SBF2: variants seen among roughly 807,000 people sequenced by gnomAD.
The protein encoded by SBF2 is SET binding factor 2.
SBF2 carries 112 observed loss-of-function variants against 225.2 expected under a neutral mutation model. That is an observed-to-expected ratio of 0.50 (90% CI 0.43 to 0.58). The LOEUF (loss-of-function observed/expected upper bound fraction) is 0.58. Among genes scored for constraint, SBF2 ranks in the 20% least tolerant of loss-of-function variants. The probability of loss-of-function intolerance (pLI) is 0.00; values close to 1 mark genes in which losing one functional copy is unlikely to be tolerated. For missense variants in SBF2, 1,996 were observed against 2,206.2 expected, an observed-to-expected ratio of 0.90 and a Z score of 1.91; for synonymous variants, 763 against 773.3, an observed-to-expected ratio of 0.99 and a Z score of 0.22.
At chr11:10,147,157 T>C (rs932780081) in intron 2 of SBF2, among the ~76,000 whole-genome samples, 1 of 151,976 alleles carries the variant, frequency 6.6e-6, no homozygotes, top group Non-Finnish European at 1.5e-5. Flanking sequence ...GAAAGCAGTG[T>C]GGAAATTCCT....
At chr11:9,791,295 G>A (rs1480130093) in intron 33 of SBF2, 1 of 152,056 alleles carries the variant, frequency 6.6e-6, no homozygotes, top group South Asian at 2.1e-4. Flanking sequence ...TTTTAATAGG[G>A]AGGAAAATGT....
intron 2 of SBF2, among the ~76,000 whole-genome samples, chr11:10,108,840 A>AG (rs1265368743): frequency 2.0e-5 from 3 of 152,032 alleles, no homozygotes; most frequent in Admixed American, 2.0e-4. Flanking sequence ...TAACTTTTTA[A>AG]GGGGACTGTA....
intron 1 of SBF2, among the ~76,000 whole-genome samples, chr11:10,273,254 G>C (rs1368742050): frequency 1.3e-5 from 2 of 152,148 alleles, no homozygotes; most frequent in African/African-American, 2.4e-5. Flanking sequence ...GAAAGGGATA[G>C]GACAAGCTTT....
chr11:9,890,907 G>A (rs1003586119), intron 17 of SBF2, among the ~76,000 whole-genome samples: 3 of 152,178 alleles, frequency 2.0e-5, no homozygotes, highest in Non-Finnish European at 2.9e-5. Context: ...GTCGAGACAG[G>A]TGGATCACCT....
chr11:10,147,163 T>G (rs1319154333), intron 2 of SBF2, among the ~76,000 whole-genome samples: 1 of 152,062 alleles, frequency 6.6e-6, no homozygotes, highest in Non-Finnish European at 1.5e-5. Context: ...AGTGTGGAAA[T>G]TCCTCAAAGA....
At position 9,853,524 on chromosome 11, in the gene SBF2, T is replaced by C. The variant is rs200967111; in HGVS notation, c.2536+16A>G. 7.0e-5 allele frequency: 112 copies of C among 1,610,048 alleles called. No individual in the cohort carries two copies. The highest frequency in any genetic ancestry group is 8.9e-5 in the Non-Finnish European group (105 of 1,176,468). The stretch of plus-strand genomic sequence containing the variant: ...TCTCCAATATTCTGATTCTCTAATA[T>C]CTGCAGAGTGATTACCTGGTATCAT... On this transcript the variant is annotated intron_variant, in intron 20 of 39. Transcript: ENST00000256190.
chr11:9,807,523 T>C (rs1483699862), intron 32 of SBF2, among the ~76,000 whole-genome samples: 1 of 152,232 alleles, frequency 6.6e-6, no homozygotes, highest in Non-Finnish European at 1.5e-5. Flanking sequence ...TGTACCACAG[T>C]TTCTCCATGT....
intron 1 of SBF2, among the ~76,000 whole-genome samples, chr11:10,227,661 G>A (rs915025774): frequency 1.1e-4 from 17 of 152,272 alleles, no homozygotes; most frequent in African/African-American, 4.1e-4. Flanking sequence ...TGAGGGCTCT[G>A]TTCTGTTCCA....
chr11:10,161,792 C>G (rs900307117), intron 2 of SBF2, among the ~76,000 whole-genome samples: 2 of 146,056 alleles, frequency 1.4e-5, no homozygotes, highest in African/African-American at 5.0e-5. Flanking sequence ...ATAGCAAGAC[C>G]TCCTTCTCTA....
At chr11:9,852,627 G>A (rs1312615971) in intron 21 of SBF2, 49 bp downstream of exon 21, 1 of 1,375,760 alleles carries the variant, frequency 7.3e-7, no homozygotes, top group East Asian at 2.3e-5. Context: ...TCTATTGTTT[G>A]TTTTTAAGAA....
intron 14 of SBF2, among the ~76,000 whole-genome samples, chr11:9,968,076 T>G (rs1204593059): frequency 6.6e-6 from 1 of 151,620 alleles, no homozygotes; most frequent in East Asian, 1.9e-4. Flanking sequence ...TCGCACATTT[T>G]ACATTGGTGA....
intron 1 of SBF2, among the ~76,000 whole-genome samples, chr11:10,227,725 C>A (rs560298647): frequency 3.3e-5 from 5 of 152,218 alleles, no homozygotes; most frequent in East Asian, 3.9e-4. Context: ...GTTACTGTAG[C>A]CTTGTATATA....
At chr11:10,157,250 C>G (rs1955520531) in intron 2 of SBF2, among the ~76,000 whole-genome samples, 1 of 152,126 alleles carries the variant, frequency 6.6e-6, no homozygotes, top group South Asian at 2.1e-4. Flanking sequence ...TTCCTTACAC[C>G]ATATACAAAA....
At chr11:10,247,858 TAC>T (rs1400252713) in intron 1 of SBF2, among the ~76,000 whole-genome samples, 1 of 152,150 alleles carries the variant, frequency 6.6e-6, no homozygotes, top group Non-Finnish European at 1.5e-5. Flanking sequence ...GGTGAGCCCT[TAC>T]AGTACCTGAT....
intron 6 of SBF2, among the ~76,000 whole-genome samples, chr11:10,025,398 C>T (rs11042593): frequency 0.2 from 30,593 of 151,942 alleles, 3,968 homozygotes; most frequent in Non-Finnish European, 0.3. Context: ...AAAAATCCAC[C>T]TTGGTAAAAC....
chr11:10,017,991 T>G (rs1277543081), intron 6 of SBF2, among the ~76,000 whole-genome samples: 1 of 152,104 alleles, frequency 6.6e-6, no homozygotes, highest in Non-Finnish European at 1.5e-5. Context: ...CTGCTTGACT[T>G]GGTTTTTATC....
At chr11:10,273,070 CGAAA>C (rs1962651677) in intron 1 of SBF2, among the ~76,000 whole-genome samples, 1 of 115,436 alleles carries the variant, frequency 8.7e-6, no homozygotes, top group African/African-American at 3.1e-5. Flanking sequence ...ACTCCGTCTC[CGAAA>C]AAAAAAATAA....
At chr11:9,832,081 A>G in intron 27 of SBF2, 143 bp downstream of exon 27, 2 of 720,814 alleles carry the variant, frequency 2.8e-6, no homozygotes, top group Non-Finnish European at 2.5e-6. Context: ...TTTAAGCTGT[A>G]CATGTTGCAT....
intron 2 of SBF2, among the ~76,000 whole-genome samples, chr11:10,086,093 G>A (rs554747546): frequency 6.6e-6 from 1 of 151,526 alleles, no homozygotes; most frequent in South Asian, 2.1e-4. Flanking sequence ...ACAAGTGCTG[G>A]TGTGCTCTGT....
Sources: allele counts gnomAD v4.1 joint callset (sites outside exome capture counted in the v4.1 genomes callset), GRCh38; gene constraint gnomAD v4.1.1; transcripts MANE v1.5; gene names NCBI Gene and HGNC (gene_info 2026-07-23, HGNC 2026-07-21).